PCNT: variants seen among roughly 807,000 people sequenced by gnomAD.
The protein encoded by PCNT is kendrin.
Under a neutral mutation model 380.4 loss-of-function variants are expected in PCNT, and 319 were observed. The ratio of observed to expected loss-of-function variants is 0.84; its 90% CI spans 0.77 to 0.92. PCNT has a LOEUF of 0.92. Among genes scored for constraint, PCNT ranks in the 40% least tolerant of loss-of-function variants. PCNT has a pLI of 0.00. For synonymous variants in PCNT, 1,845 were observed against 1,735.2 expected, an observed-to-expected ratio of 1.06 and a Z score of -1.57; for missense variants, 4,400 against 4,255.3, an observed-to-expected ratio of 1.03 and a Z score of -0.95.
rs139345424 is a variant in PCNT at position 46,367,118 on chromosome 21, C to T, written c.3144C>T (p.His1048=). Residue 1048 remains histidine (H), a synonymous_variant, in exon 15 of 47, where the codon CAC becomes CAT. Transcript: ENST00000359568. ...VSTELAGTVA[H]ELQGVHQGEF... is the part of the protein sequence containing the mutation. ...CAGAGCTCGCCGGAACCGTGGCTCA[C>T]GAGCTGCAGGGAGTGCACCAGGTAA... 7.7e-5 allele frequency: 124 copies of T among 1,613,048 alleles called. No homozygotes were observed. In the Middle Eastern group the frequency reaches 1.3e-3, roughly 17 times the overall value.
chr21:46,376,105 T>C (rs2085326024), intron 15 of PCNT, among the ~76,000 whole-genome samples: 1 of 151,986 alleles, frequency 6.6e-6, no homozygotes, highest in African/African-American at 2.4e-5. Flanking sequence ...CCGTCTGCAG[T>C]GTGTGACTCT....
At chr21:46,428,775 T>A (rs569984586) in intron 35 of PCNT, among the ~76,000 whole-genome samples, 185 bp downstream of exon 35, 1 of 152,188 alleles carries the variant, frequency 6.6e-6, no homozygotes, top group South Asian at 2.1e-4. Flanking sequence ...CAGCGCTGGG[T>A]GGGGCTGGCA....
intron 3 of PCNT, among the ~76,000 whole-genome samples, chr21:46,339,069 A>C (rs1215040426): frequency 6.6e-6 from 1 of 152,078 alleles, no homozygotes; most frequent in Non-Finnish European, 1.5e-5. Context: ...GGCGTGAGCC[A>C]CCGCACCCGG....
intron 14 of PCNT, among the ~76,000 whole-genome samples, chr21:46,365,044 G>A (rs1417491321): frequency 6.6e-6 from 1 of 152,242 alleles, no homozygotes; most frequent in African/African-American, 2.4e-5. Context: ...CTTCTGTGAG[G>A]ACTCTCCCTG....
chr21:46,434,962 CTGA>C (rs1412492764), intron 38 of PCNT, among the ~76,000 whole-genome samples: 1 of 150,556 alleles, frequency 6.6e-6, no homozygotes, highest in African/African-American at 2.5e-5. Flanking sequence ...TGCCCTGGGC[CTGA>C]TGAAAGCCTG....
Position 46,430,503 on chromosome 21 carries a change from G to A in PCNT, c.7914-4G>A, listed in dbSNP as rs76287849. ...TCAGATTGTTCTGCGATGTCTCCAC[G>A]CAGATCCATGCTGAGCAGTAAGGAG... On this transcript the variant is annotated splice_polypyrimidine_tract_variant and splice_region_variant and intron_variant, in intron 36 of 46. Coordinates refer to ENST00000359568, the MANE Select transcript of PCNT (RefSeq NM_006031.6). 1.3e-3 allele frequency: 1,939 copies of A among 1,550,706 alleles called. 30 individuals are homozygous for A. The African/African-American group carries it at 0.023, about 19-fold the overall frequency.
chr21:46,363,328 T>C, intron 13 of PCNT, 152 bp from the exon 14 acceptor site: 2 of 690,988 alleles, frequency 2.9e-6, no homozygotes, highest in Admixed American at 2.3e-5. Flanking sequence ...TCCATTGTCA[T>C]CAACATGAGA....
At chr21:46,404,465 G>A (rs567520825) in intron 27 of PCNT, among the ~76,000 whole-genome samples, 15 of 152,292 alleles carry the variant, frequency 9.8e-5, no homozygotes, top group East Asian at 1.9e-4. Context: ...TCTAGGCACC[G>A]CAGGTTTACC....
intron 29 of PCNT, 142 bp from the exon 30 acceptor site, chr21:46,415,927 A>G: frequency 1.3e-6 from 1 of 744,866 alleles, no homozygotes; most frequent in Non-Finnish European, 2.3e-6. Context: ...CATAGAATTA[A>G]ATAAACTTGA....
In PCNT at chr21:46,436,076, T is replaced by G; in HGVS notation, c.8924T>G (p.Leu2975Arg). 6.2e-7 allele frequency: 1 copy of G among 1,613,046 alleles called. No homozygotes were observed. The highest frequency in any genetic ancestry group is 1.1e-5 in the South Asian group (1 of 91,080). ...ADHLREQQRE[L>R]EAMRQRLLSA... ...CACCTCCGGGAACAGCAGCGAGAGCTGGAGGCGATGAGGCAGCGGCTGCTC... is the reference window on the plus strand; with the variant it reads ...CACCTCCGGGAACAGCAGCGAGAGCGGGAGGCGATGAGGCAGCGGCTGCTC... Residue 2975 changes from leucine to arginine, a missense_variant, in exon 39 of 47, where the codon CTG becomes CGG. Transcript: ENST00000359568.
Position 46,357,077 on chromosome 21 carries a change from A to G in PCNT, c.2040A>G (p.Gln680=), listed in dbSNP as rs541212970. Residue 680 remains glutamine, a synonymous_variant, in exon 13 of 47, where the codon CAA becomes CAG. Transcript: ENST00000359568. ...VLGLETEHKV[Q]LSLLQTELKE... is the part of the protein sequence containing the mutation. ...GTCTGGAAACTGAGCACAAGGTGCA[A>G]CTTTCGCTTCTTCAGACTGAGCTCA... The G allele has an allele frequency of 3.2e-5, 52 of 1,614,116 alleles. No individual in the cohort carries two copies. In the East Asian group the frequency reaches 1.1e-3, roughly 33 times the overall value.
chr21:46,399,769 G>A lies in PCNT; in HGVS notation c.4764G>A (p.Gln1588=). ...AGCTCCAGGAAGAAGTGGAAAAACA[G>A]AAAAACATCGTGAAAGGGCTGGAAC... is the stretch of plus-strand genomic sequence containing the variant. ...VAQLQEEVEK[Q]KNIVKGLEQD... is the part of the protein sequence containing the mutation. The change falls in exon 25 of 47, where the codon CAG becomes CAA. Residue 1588 remains glutamine, a synonymous_variant. Coordinates refer to ENST00000359568, the MANE Select transcript of PCNT (RefSeq NM_006031.6). The A allele has an allele frequency of 6.2e-7, 1 of 1,614,112 alleles. No individual in the cohort carries two copies. The highest frequency in any genetic ancestry group is 8.5e-7 in the Non-Finnish European group (1 of 1,179,990).
At position 46,390,653 on chromosome 21, in the gene PCNT, C is replaced by A; in HGVS notation, c.3841-17C>A. 2.5e-6 allele frequency: 4 copies of A among 1,613,614 alleles called. No homozygotes were observed. Among genetic ancestry groups the A allele is most frequent in the Non-Finnish European group, 3.4e-6 (4 of 1,179,608 alleles). On this transcript the variant is annotated splice_polypyrimidine_tract_variant and intron_variant, in intron 19 of 46. Coordinates refer to ENST00000359568, the MANE Select transcript of PCNT (RefSeq NM_006031.6). ...ATTTTTGATCTGGAGTTTTGATTTGCAAATGTGTTTTAACAGCTGGAAGAA... is the reference window on the plus strand; with the variant it reads ...ATTTTTGATCTGGAGTTTTGATTTGAAAATGTGTTTTAACAGCTGGAAGAA...
chr21:46,394,619 T>A, intron 21 of PCNT: 1 of 513,938 alleles, frequency 1.9e-6, no homozygotes, highest in Non-Finnish European at 2.5e-6. Flanking sequence ...TAAAGAAAAG[T>A]ACTTCAGACC....
rs571999618 is a variant in PCNT at position 46,426,890 on chromosome 21, G to A, written c.7321-732G>A. On this transcript the variant is annotated intron_variant, in intron 33 of 46. Coordinates refer to ENST00000359568, the MANE Select transcript of PCNT (RefSeq NM_006031.6). Reference sequence around the variant, plus strand: ...TCAAAGCTTTGTGAGGGAGGGAAGGGCTTTCTCCCTGTGCCTGGAACGCAC... The same window carrying A: ...TCAAAGCTTTGTGAGGGAGGGAAGGACTTTCTCCCTGTGCCTGGAACGCAC... Among the ~76,000 whole-genome samples, 247 of 152,318 alleles carry A rather than the reference G, an allele frequency of 1.6e-3. 3 individuals are homozygous for A. Among genetic ancestry groups the A allele is most frequent in the South Asian group, 3.9e-3 (19 of 4,828 alleles).
In PCNT at chr21:46,385,922, C is replaced by T. The variant is rs143490174; in HGVS notation, c.3403C>T (p.Arg1135Trp). ...VLQQRRERENREGANLLSMLK... is the reference protein window; with the variant it reads ...VLQQRRERENWEGANLLSMLK... ...GCAGCAGAGGCGGGAGCGGGAGAAC[C>T]GGGAAGGCGCAAACCTCCTCTCCAT... is the stretch of plus-strand genomic sequence containing the variant. Residue 1135 changes from arginine to tryptophan, a missense_variant, in exon 17 of 47, where the codon CGG becomes TGG. Physicochemically the swap from Arg to Trp is moderately radical, Grantham distance 101 (BLOSUM62 -3). Coordinates refer to ENST00000359568, the MANE Select transcript of PCNT (RefSeq NM_006031.6). 11 of 1,614,200 alleles carry T rather than the reference C, an allele frequency of 6.8e-6. No homozygotes were observed. Among genetic ancestry groups the T allele is most frequent in the South Asian group, 3.3e-5 (3 of 91,084 alleles).
chr21:46,401,079 C>G (rs192776670), intron 25 of PCNT, among the ~76,000 whole-genome samples: 9 of 152,322 alleles, frequency 5.9e-5, no homozygotes, highest in Admixed American at 5.2e-4. Context: ...GTTTTTATCC[C>G]TTCGTGAAAT....
intron 3 of PCNT, among the ~76,000 whole-genome samples, chr21:46,344,230 C>T (rs1264944740): frequency 5.3e-5 from 8 of 152,038 alleles, no homozygotes; most frequent in South Asian, 2.1e-4. Flanking sequence ...CCTGCCACCA[C>T]GCCCAGCTAA....
chr21:46,421,413 C>T (rs1347221609), intron 31 of PCNT, among the ~76,000 whole-genome samples: 1 of 152,038 alleles, frequency 6.6e-6, no homozygotes, highest in Non-Finnish European at 1.5e-5. Flanking sequence ...TCCCTGTGGG[C>T]TGGCGCAGCT....
Sources: allele counts gnomAD v4.1 joint callset (sites outside exome capture counted in the v4.1 genomes callset), GRCh38; gene constraint gnomAD v4.1.1; transcripts MANE v1.5; gene names NCBI Gene and HGNC (gene_info 2026-07-23, HGNC 2026-07-21).